RHOBTB3: variants seen among roughly 807,000 people sequenced by gnomAD.
The protein encoded by RHOBTB3 is rho-related BTB domain-containing protein 3.
Under a neutral mutation model 67.2 loss-of-function variants are expected in RHOBTB3, and 47 were observed. The ratio of observed to expected loss-of-function variants is 0.70; its 90% CI spans 0.55 to 0.89. The LOEUF is 0.89. Ranked by LOEUF, RHOBTB3 falls within the 40% of genes least tolerant of loss-of-function variation. The pLI is 0.00. For missense variants in RHOBTB3, 631 were observed against 750.0 expected (o/e 0.84, Z 1.85); for synonymous variants, 273 against 274.2 (o/e 1.00, Z 0.04).
chr5:95,771,725 TC>T lies in RHOBTB3; in HGVS notation c.1282+3561del, dbSNP rs1290114257. On this transcript the variant is annotated intron_variant, in intron 8 of 11. Coordinates refer to ENST00000379982, the MANE Select transcript of RHOBTB3 (RefSeq NM_014899.4). ...GGACACGCCTAGTCAGGGATAAAGC[TC>T]CTGGTGATTACAGAATTCTCTCATT... 2.0e-5 allele frequency among the ~76,000 whole-genome samples: 3 copies of T among 152,302 alleles called. No individual in the cohort carries two copies. The East Asian group carries it at 5.8e-4, about 29-fold the overall frequency.
At position 95,735,002 on chromosome 5, in the gene RHOBTB3, C is replaced by T. The variant is rs568510052; in HGVS notation, c.229-1887C>T. 1.2e-4 allele frequency among the ~76,000 whole-genome samples: 19 copies of T among 152,304 alleles called. No individual in the cohort carries two copies. The South Asian group carries it at 3.7e-3, about 30-fold the overall frequency. ...AAATGGCTGCTTAATATTGGCCCCACTTTTGTTTAGTTTTTTATCTCATTT... is the reference window on the plus strand; with the variant it reads ...AAATGGCTGCTTAATATTGGCCCCATTTTTGTTTAGTTTTTTATCTCATTT... On this transcript the variant is annotated intron_variant, in intron 2 of 11. Coordinates refer to ENST00000379982, the MANE Select transcript of RHOBTB3 (RefSeq NM_014899.4).
intron 6 of RHOBTB3, among the ~76,000 whole-genome samples, chr5:95,759,190 T>G (rs1029935273): frequency 3.3e-5 from 5 of 152,224 alleles, no homozygotes; most frequent in Non-Finnish European, 7.3e-5. Flanking sequence ...CTTCTTAACC[T>G]GACACTGACC....
chr5:95,758,564 C>T (rs1175732922), intron 6 of RHOBTB3, among the ~76,000 whole-genome samples: 4 of 152,158 alleles, frequency 2.6e-5, no homozygotes, highest in African/African-American at 9.7e-5. Context: ...GAAAGCTCAT[C>T]TCTGGTTGTG....
chr5:95,769,881 C>T, intron 8 of RHOBTB3: 2 of 326,322 alleles, frequency 6.1e-6, no homozygotes, highest in Non-Finnish European at 5.9e-6. Context: ...TGGAGAAGCT[C>T]TATGAACCTT....
intron 11 of RHOBTB3, chr5:95,789,622 A>G (rs1746316301): frequency 6.6e-6 from 1 of 152,168 alleles, no homozygotes; most frequent in Non-Finnish European, 1.5e-5. Flanking sequence ...TGGACAAATA[A>G]ATCTCCGTGG....
At chr5:95,779,909 T>G (rs1252718949) in intron 8 of RHOBTB3, 5 of 241,586 alleles carry the variant, frequency 2.1e-5, no homozygotes, top group East Asian at 1.8e-4. Context: ...ACGGGTAGTA[T>G]TATTAATATT....
rs1410094167 is a variant in RHOBTB3 at position 95,780,421 on chromosome 5, C to T, written c.1452C>T (p.Cys484=). The T allele has an allele frequency of 3.1e-6, 5 of 1,613,272 alleles. No homozygotes were observed. In the Admixed American group the frequency reaches 8.3e-5, roughly 27 times the overall value. ...FLEYLYTDSC[C]PAGIFQAMCL... ...AATACCTGTACACAGACTCCTGCTG[C>T]CCAGGTTAGCAATACAAATGTTGAT... Residue 484 remains cysteine, a synonymous_variant, in exon 9 of 12, where the codon TGC becomes TGT. Coordinates refer to ENST00000379982, the MANE Select transcript of RHOBTB3 (RefSeq NM_014899.4).
chr5:95,778,131 A>G (rs1356043666), intron 8 of RHOBTB3, among the ~76,000 whole-genome samples: 1 of 151,994 alleles, frequency 6.6e-6, no homozygotes, highest in Non-Finnish European at 1.5e-5. Flanking sequence ...AAAAAAAAAA[A>G]AGTACAGTTG....
intron 8 of RHOBTB3, among the ~76,000 whole-genome samples, chr5:95,779,245 G>A (rs1745979969): frequency 6.6e-6 from 1 of 152,202 alleles, no homozygotes; most frequent in East Asian, 1.9e-4. Flanking sequence ...CGACAGCTTT[G>A]TCACTCACAC....
intron 1 of RHOBTB3, among the ~76,000 whole-genome samples, chr5:95,722,914 C>T (rs1754932977): frequency 6.6e-6 from 1 of 152,184 alleles, no homozygotes; most frequent in Non-Finnish European, 1.5e-5. Flanking sequence ...TTCAAAGAAA[C>T]ATATGTTCTG....
chr5:95,732,172 G>A, intron 2 of RHOBTB3, 88 bp downstream of exon 2: 1 of 1,215,616 alleles, frequency 8.2e-7, no homozygotes, highest in Non-Finnish European at 1.2e-6. Context: ...ACTTCCGTGA[G>A]TGTGGAGTGT....
chr5:95,754,309 T>G (rs779701723), intron 5 of RHOBTB3, among the ~76,000 whole-genome samples: 35 of 152,202 alleles, frequency 2.3e-4, no homozygotes, highest in Middle Eastern at 3.4e-3. Context: ...GGGTACATAT[T>G]TGGGGCTGAT....
chr5:95,727,677 A>G (rs1475053895), upstream of RHOBTB3, among the ~76,000 whole-genome samples: 1 of 152,234 alleles, frequency 6.6e-6, no homozygotes, highest in Non-Finnish European at 1.5e-5. Context: ...GAGAAACTGC[A>G]AATACATAAA....
intron 2 of RHOBTB3, among the ~76,000 whole-genome samples, chr5:95,733,632 T>A (rs889074359): frequency 6.6e-6 from 1 of 152,226 alleles, no homozygotes; most frequent in African/African-American, 2.4e-5. Flanking sequence ...TTTATCTTGC[T>A]AATAACTTTT....
At chr5:95,788,732 A>G (rs747622886) in intron 10 of RHOBTB3, 30 bp from the exon 11 acceptor site, 2 of 1,448,318 alleles carry the variant, frequency 1.4e-6, no homozygotes, top group East Asian at 4.7e-5. Flanking sequence ...ATTATGTGCA[A>G]TATTATTTCA....
Position 95,795,272 on chromosome 5 carries a change from C to T in RHOBTB3, c.*2098C>T, listed in dbSNP as rs879162314. 1.3e-5 allele frequency: 2 copies of T among 152,002 alleles called. No individual in the cohort carries two copies. Among genetic ancestry groups the T allele is most frequent in the South Asian group, 4.2e-4 (2 of 4,818 alleles). 9.4% of individuals were successfully genotyped at this position (152,002 alleles called of 1,614,324 possible). A position where few individuals can be genotyped will look rare whatever the true frequency, so the allele number is the denominator to read the frequency against. ...TGAGTTAATCAACCACTGGCAAATC[C>T]CATTTGACAAAGATTAGCATTGTAA... is the stretch of plus-strand genomic sequence containing the variant. On this transcript the variant is annotated 3_prime_UTR_variant, in exon 12 of 12. Transcript: ENST00000379982.
intron 1 of RHOBTB3, chr5:95,719,804 T>C (rs1754809777): frequency 6.6e-6 from 1 of 152,112 alleles, no homozygotes; most frequent in Non-Finnish European, 1.5e-5. Flanking sequence ...TTTTAGAAAA[T>C]TGGTCAAGGC....
intron 10 of RHOBTB3, among the ~76,000 whole-genome samples, chr5:95,784,313 G>A (rs1193343903): frequency 6.6e-6 from 1 of 152,122 alleles, no homozygotes; most frequent in Non-Finnish European, 1.5e-5. Flanking sequence ...ACATCTTCAG[G>A]TTCCTAAAAG....
chr5:95,741,978 C>G (rs1013219526), intron 3 of RHOBTB3, among the ~76,000 whole-genome samples: 29 of 152,120 alleles, frequency 1.9e-4, no homozygotes, highest in Non-Finnish European at 2.9e-4. Flanking sequence ...TCACATTGCT[C>G]CATATTTGCT....
Sources: gnomAD v4.1 joint callset for allele counts (sites outside exome capture counted in the v4.1 genomes callset) on GRCh38, gnomAD v4.1.1 for gene constraint, MANE v1.5 for transcripts, NCBI Gene and HGNC (gene_info 2026-07-23, HGNC 2026-07-21) for gene names.